Variants in CNTNAP5 observed in about 807,000 individuals in gnomAD.
The protein encoded by CNTNAP5 is contactin-associated protein-like 5.
A neutral mutation model predicts 150.2 loss-of-function variants in CNTNAP5; 72 were observed. The observed-to-expected ratio is 0.48, with a 90% CI of 0.40 to 0.58. The LOEUF is 0.58. CNTNAP5 is among the 20% of genes least tolerant of loss of function. The probability of loss-of-function intolerance (pLI) is 0.00; values close to 1 mark genes in which losing one functional copy is unlikely to be tolerated. For missense variants in CNTNAP5, 1,636 were observed against 1,626.2 expected (o/e 1.01, Z -0.10); for synonymous variants, 672 against 619.8 (o/e 1.08, Z -1.25).
chr2:124,065,177 T>G (rs185794828), intron 1 of CNTNAP5, among the ~76,000 whole-genome samples: 2 of 152,192 alleles, frequency 1.3e-5, no homozygotes, highest in Admixed American at 1.3e-4. Context: ...GTACAGACAC[T>G]GAGGATAAAT....
intron 21 of CNTNAP5, among the ~76,000 whole-genome samples, chr2:124,886,361 T>C (rs1678079929): frequency 6.6e-6 from 1 of 152,076 alleles, no homozygotes; most frequent in South Asian, 2.1e-4. Flanking sequence ...TAGAGCACTG[T>C]GACAGTGAGC....
chr2:124,622,039 T>G (rs542119624), intron 12 of CNTNAP5, among the ~76,000 whole-genome samples: 1 of 152,148 alleles, frequency 6.6e-6, no homozygotes, highest in Admixed American at 6.5e-5. Context: ...GCCGTGATGG[T>G]TTGCTGCACA....
chr2:124,686,125 A>T (rs1168093842), intron 13 of CNTNAP5, among the ~76,000 whole-genome samples: 1 of 152,082 alleles, frequency 6.6e-6, no homozygotes, highest in African/African-American at 2.4e-5. Flanking sequence ...TAGAGACAGT[A>T]GTGTCTGGGG....
At chr2:124,717,096 C>T (rs1679960357) in intron 13 of CNTNAP5, among the ~76,000 whole-genome samples, 1 of 152,168 alleles carries the variant, frequency 6.6e-6, no homozygotes, top group South Asian at 2.1e-4. Context: ...TAATCAGGAG[C>T]ACCATCTTTT....
chr2:124,640,099 A>T (rs1384833596), intron 12 of CNTNAP5, among the ~76,000 whole-genome samples: 2 of 152,062 alleles, frequency 1.3e-5, no homozygotes, highest in Non-Finnish European at 2.9e-5. Context: ...TGCTCTGCAT[A>T]CACTAGGTGT....
chr2:124,336,871 A>G (rs1417650301), intron 3 of CNTNAP5, among the ~76,000 whole-genome samples: 2 of 152,088 alleles, frequency 1.3e-5, no homozygotes, highest in Non-Finnish European at 2.9e-5. Context: ...ATGATTTATA[A>G]TCCTTTGGGT....
intron 19 of CNTNAP5, among the ~76,000 whole-genome samples, chr2:124,828,910 A>AT (rs781002657): frequency 2.0e-5 from 3 of 151,990 alleles, no homozygotes; most frequent in Non-Finnish European, 2.9e-5. Context: ...CACAGCTTAC[A>AT]TATGGGGGTG....
intron 9 of CNTNAP5, among the ~76,000 whole-genome samples, 198 bp from the exon 10 acceptor site, chr2:124,527,087 A>G (rs1330942106): frequency 6.6e-6 from 1 of 152,172 alleles, no homozygotes; most frequent in East Asian, 1.9e-4. Context: ...TTTTCTCTAC[A>G]GTGATGGAGT....
At chr2:124,111,989 G>T (rs2104706621) in intron 1 of CNTNAP5, among the ~76,000 whole-genome samples, 1 of 152,292 alleles carries the variant, frequency 6.6e-6, no homozygotes, top group South Asian at 2.1e-4. Flanking sequence ...TCCCTAGCTA[G>T]CCATGGGAGT....
At chr2:124,528,188 A>T (rs532209558) in intron 10 of CNTNAP5, among the ~76,000 whole-genome samples, 2 of 152,322 alleles carry the variant, frequency 1.3e-5, no homozygotes, top group Admixed American at 6.5e-5. Context: ...TGGGTGAATA[A>T]TATCTGTTCA....
intron 1 of CNTNAP5, among the ~76,000 whole-genome samples, chr2:124,078,757 G>A (rs1682494262): frequency 6.6e-6 from 1 of 152,172 alleles, no homozygotes; most frequent in South Asian, 2.1e-4. Context: ...TTGGGTGCAG[G>A]TATTTTATTT....
intron 2 of CNTNAP5, among the ~76,000 whole-genome samples, chr2:124,224,037 G>A (rs1004778068): frequency 6.6e-6 from 1 of 151,954 alleles, no homozygotes; most frequent in African/African-American, 2.4e-5. Flanking sequence ...CCAGGGCTGT[G>A]CATTTGAATC....
At chr2:124,317,395 A>T (rs1342724074) in intron 3 of CNTNAP5, among the ~76,000 whole-genome samples, 1 of 152,166 alleles carries the variant, frequency 6.6e-6, no homozygotes, top group African/African-American at 2.4e-5. Context: ...TAGAAAAGCT[A>T]AGACTGAATG....
intron 13 of CNTNAP5, among the ~76,000 whole-genome samples, chr2:124,663,024 T>C (rs1014698843): frequency 6.6e-6 from 1 of 152,236 alleles, no homozygotes; most frequent in Non-Finnish European, 1.5e-5. Context: ...TTTCAGTTCC[T>C]AGTACACACA....
intron 1 of CNTNAP5, among the ~76,000 whole-genome samples, chr2:124,127,415 C>A (rs1009844953): frequency 6.6e-6 from 1 of 152,070 alleles, no homozygotes; most frequent in Non-Finnish European, 1.5e-5. Context: ...AAAGAGGACA[C>A]AAACAAATGG....
chr2:124,226,473 GTAC>G (rs1686462973), intron 2 of CNTNAP5, among the ~76,000 whole-genome samples: 1 of 152,048 alleles, frequency 6.6e-6, no homozygotes, highest in Admixed American at 6.6e-5. Flanking sequence ...CTACTGAGTT[GTAC>G]TTGTTCTTTA....
At chr2:124,145,827 A>AAAAAAAAAAAAAAAAAAAAAAAAAAT (rs1684232458) in intron 1 of CNTNAP5, among the ~76,000 whole-genome samples, 1 of 2,724 alleles carries the variant, frequency 3.7e-4, no homozygotes, top group Non-Finnish European at 1.4e-3. Context: ...AAAAAAAAAA[A>AAAAAAAAAAAAAAAAAAAAAAAAAAT]AGAAGAAAAA....
chr2:124,148,828 TATAC>T (rs1684328058), intron 1 of CNTNAP5, among the ~76,000 whole-genome samples: 1 of 151,272 alleles, frequency 6.6e-6, no homozygotes, highest in Non-Finnish European at 1.5e-5. Context: ...AACACACAAA[TATAC>T]ACACAGACAC....
chr2:124,324,526 G>A (rs907351795), intron 3 of CNTNAP5, among the ~76,000 whole-genome samples: 4 of 152,202 alleles, frequency 2.6e-5, no homozygotes, highest in Admixed American at 6.5e-5. Flanking sequence ...GAGCCTAACA[G>A]CCAGCTAATT....
Sources: gnomAD v4.1 joint callset for allele counts (sites outside exome capture counted in the v4.1 genomes callset) on GRCh38, gnomAD v4.1.1 for gene constraint, MANE v1.5 for transcripts, NCBI Gene and HGNC (gene_info 2026-07-23, HGNC 2026-07-21) for gene names.